The following WWOX variants were observed in gnomAD, a reference collection of about 807,000 sequenced individuals.
The protein encoded by WWOX is WW domain-containing oxidoreductase.
WWOX carries 69 observed loss-of-function variants against 46.2 expected under a neutral mutation model. The observed-to-expected ratio is 1.49, with a 90% CI of 1.23 to 1.82. The LOEUF is 1.82. Ranked by LOEUF, WWOX falls within the 40% of genes most tolerant of loss-of-function variation. WWOX has a pLI of 0.00. For synonymous variants in WWOX, 359 were observed against 202.6 expected (o/e 1.77, Z -6.56); for missense variants, 919 against 542.6 (o/e 1.69, Z -6.89).
chr16:78,976,530 C>T (rs1380364498), intron 8 of WWOX, among the ~76,000 whole-genome samples: 1 of 152,200 alleles, frequency 6.6e-6, no homozygotes, highest in African/African-American at 2.4e-5. Flanking sequence ...GATGTAGTTG[C>T]ATGCACTTTG....
At chr16:78,202,625 T>G (rs916447077) in intron 5 of WWOX, among the ~76,000 whole-genome samples, 2 of 152,174 alleles carry the variant, frequency 1.3e-5, no homozygotes, top group East Asian at 3.8e-4. Context: ...TAAAATTTCA[T>G]TGGGAAAGAA....
chr16:78,760,607 A>G (rs934033845), intron 8 of WWOX, among the ~76,000 whole-genome samples: 33 of 152,238 alleles, frequency 2.2e-4, no homozygotes, highest in African/African-American at 6.5e-4. Flanking sequence ...TCTCCCCTCC[A>G]AGAACAGGTA....
intron 8 of WWOX, among the ~76,000 whole-genome samples, chr16:78,555,074 G>T (rs375844142): frequency 2.6e-5 from 4 of 151,584 alleles, no homozygotes; most frequent in African/African-American, 9.7e-5. Context: ...GGGGGCCAGG[G>T]TGGGTTTGGA....
intron 8 of WWOX, among the ~76,000 whole-genome samples, chr16:79,044,886 C>G (rs138955861): frequency 1.7e-4 from 26 of 152,248 alleles, no homozygotes; most frequent in African/African-American, 6.0e-4. Context: ...CCCCCATCCT[C>G]CCCTGTGTAG....
At chr16:78,996,232 T>C (rs1233809249) in intron 8 of WWOX, 20 of 985,106 alleles carry the variant, frequency 2.0e-5, no homozygotes, top group Non-Finnish European at 2.3e-5. Flanking sequence ...ATAGAAGAAG[T>C]AACCTTGAAA....
intron 8 of WWOX, among the ~76,000 whole-genome samples, chr16:78,443,913 C>T (rs1388727381): frequency 6.6e-6 from 1 of 152,120 alleles, no homozygotes; most frequent in Admixed American, 6.5e-5. Flanking sequence ...ATATTGGAGG[C>T]CAGCGTGATT....
At chr16:78,877,547 C>G (rs1232897374) in intron 8 of WWOX, among the ~76,000 whole-genome samples, 3 of 152,224 alleles carry the variant, frequency 2.0e-5, no homozygotes, top group Non-Finnish European at 2.9e-5. Context: ...CTTGCACCCT[C>G]TCTTCCTTTT....
chr16:78,968,627 G>A (rs986528105), intron 8 of WWOX, among the ~76,000 whole-genome samples: 9 of 152,302 alleles, frequency 5.9e-5, no homozygotes, highest in African/African-American at 2.2e-4. Flanking sequence ...GTTCATGATG[G>A]TGACAAAAAG....
At chr16:78,557,688 G>GTTTTTTTTTTTT (rs1567642864) in intron 8 of WWOX, among the ~76,000 whole-genome samples, 5 of 107,100 alleles carry the variant, frequency 4.7e-5, no homozygotes, top group African/African-American at 1.8e-4. Flanking sequence ...TCTAGGGAAG[G>GTTTTTTTTTTTT]ATTTTTTTTT....
chr16:78,957,207 G>A (rs529814216), intron 8 of WWOX, among the ~76,000 whole-genome samples: 4 of 152,152 alleles, frequency 2.6e-5, no homozygotes, highest in Non-Finnish European at 4.4e-5. Flanking sequence ...CAGGGCACAC[G>A]ACTTTTCCAG....
In WWOX at chr16:78,422,686, C is replaced by CAT. The variant is rs1286804746; in HGVS notation, c.606-2183_606-2182insTA. 1.7e-3 allele frequency among the ~76,000 whole-genome samples: 41 copies of CAT among 23,892 alleles called. 2 individuals carry two copies. Among genetic ancestry groups the CAT allele is most frequent in the Non-Finnish European group, 3.7e-3 (33 of 8,990 alleles). 15.7% of individuals were successfully genotyped at this position (23,892 alleles called of 152,430 possible). ...ATGTATATATATATATATATATATA[C>CAT]ACACACACACACACATATATATATA... On this transcript the variant is annotated intron_variant, in intron 6 of 8. Transcript: ENST00000566780.
chr16:79,099,518 G>C (rs1478635018), intron 8 of WWOX, among the ~76,000 whole-genome samples: 3 of 151,860 alleles, frequency 2.0e-5, no homozygotes, highest in Non-Finnish European at 4.4e-5. Context: ...ATGCTGGCCA[G>C]TTTCTTTAAT....
intron 5 of WWOX, among the ~76,000 whole-genome samples, chr16:78,372,157 C>T (rs2081705778): frequency 6.6e-6 from 1 of 152,196 alleles, no homozygotes; most frequent in African/African-American, 2.4e-5. Flanking sequence ...TGGTAGTCTC[C>T]ATTACAGTTC....
chr16:78,266,779 A>G (rs941442153), intron 5 of WWOX, among the ~76,000 whole-genome samples: 1 of 85,368 alleles, frequency 1.2e-5, no homozygotes, highest in Non-Finnish European at 2.5e-5. Flanking sequence ...TGCAAGTTCT[A>G]TTCTTCTATT....
intron 8 of WWOX, among the ~76,000 whole-genome samples, chr16:78,544,603 T>G (rs550722470): frequency 6.6e-6 from 1 of 152,196 alleles, no homozygotes; most frequent in Non-Finnish European, 1.5e-5. Flanking sequence ...AAATGAGATG[T>G]GGCTGGGCAT....
At chr16:78,965,333 C>G (rs1403621317) in intron 8 of WWOX, among the ~76,000 whole-genome samples, 5 of 152,056 alleles carry the variant, frequency 3.3e-5, no homozygotes, top group Non-Finnish European at 5.9e-5. Context: ...CGTTGGGAGG[C>G]TGAGGTGGGT....
intron 8 of WWOX, among the ~76,000 whole-genome samples, chr16:78,993,619 C>T (rs2046931683): frequency 6.6e-6 from 1 of 152,196 alleles, no homozygotes; most frequent in Admixed American, 6.5e-5. Flanking sequence ...TGCGGCTTGG[C>T]ATGCTGCTCC....
rs548828225 is a variant in WWOX, at chr16:79,140,598, G to C, written c.1057-71010G>C. 1.5e-4 allele frequency among the ~76,000 whole-genome samples: 23 copies of C among 152,322 alleles called. No homozygotes were observed. The South Asian group carries it at 4.6e-3, about 30-fold the overall frequency. On this transcript the variant is annotated intron_variant, in intron 8 of 8. Coordinates refer to ENST00000566780, the MANE Select transcript of WWOX (RefSeq NM_016373.4). ...AGCATTGACCGCATGAAGGGTGGGTGCCCTGAGGCAGGCAAGCCACCAGGT... is the reference window on the plus strand; with the variant it reads ...AGCATTGACCGCATGAAGGGTGGGTCCCCTGAGGCAGGCAAGCCACCAGGT...
intron 8 of WWOX, among the ~76,000 whole-genome samples, chr16:78,676,986 C>G (rs928726176): frequency 6.6e-6 from 1 of 151,296 alleles, no homozygotes; most frequent in South Asian, 2.1e-4. Context: ...TTGCCAAATG[C>G]ATTTTTATTG....
Sources: gnomAD v4.1 joint callset for allele counts (sites outside exome capture counted in the v4.1 genomes callset) on GRCh38, gnomAD v4.1.1 for gene constraint, MANE v1.5 for transcripts, NCBI Gene and HGNC (gene_info 2026-07-23, HGNC 2026-07-21) for gene names.